Variants in CARS1 observed in about 807,000 individuals in gnomAD.
CARS1 encodes cysteine--tRNA ligase, cytoplasmic.
A neutral mutation model predicts 106.2 loss-of-function variants in CARS1; 48 were observed. That is an observed-to-expected ratio of 0.45 (90% CI 0.36 to 0.57). CARS1 has a LOEUF of 0.57. Ranked by LOEUF, CARS1 falls within the 20% of genes least tolerant of loss-of-function variation. The pLI is 0.00. For missense variants in CARS1, 968 were observed against 1,057.2 expected (o/e 0.92, Z 1.17); for synonymous variants, 409 against 403.4 (o/e 1.01, Z -0.17).
rs979122976 is a variant in CARS1 at position 3,015,860 on chromosome 11, A to C, written c.1918-11T>G. 2 of 1,612,838 alleles carry C rather than the reference A, an allele frequency of 1.2e-6. No individual in the cohort carries two copies. Among genetic ancestry groups the C allele is most frequent in the Non-Finnish European group, 1.7e-6 (2 of 1,178,884 alleles). On this transcript the variant is annotated splice_polypyrimidine_tract_variant and intron_variant, in intron 16 of 22. Coordinates refer to ENST00000380525, the MANE Select transcript of CARS1 (RefSeq NM_001014437.3). ...TACGGCCCCAAAGATCTAGGAAAAGAAACAGATGGGACCTGAAGCTGCGGC... is the reference window on the plus strand; with the variant it reads ...TACGGCCCCAAAGATCTAGGAAAAGCAACAGATGGGACCTGAAGCTGCGGC...
rs540320575 is a variant in CARS1 at position 3,037,999 on chromosome 11, G to A, written c.801+51C>T. The A allele has an allele frequency of 1.9e-5, 30 of 1,568,998 alleles. No individual in the cohort carries two copies. Among genetic ancestry groups the A allele is most frequent in the Admixed American group, 8.7e-5 (5 of 57,766 alleles). ...CGTGCACACAGATCAGTCTATGCAC[G>A]GCCCGACATTTGACCCGAACGGGCT... is the stretch of plus-strand genomic sequence containing the variant. On this transcript the variant is annotated intron_variant, in intron 7 of 22. Transcript: ENST00000380525. The surrounding 1 kb of genome is among the most constrained non-coding windows in gnomAD (Gnocchi z 5.9).
At chr11:3,013,008 G>A (rs1330829229) in intron 17 of CARS1, among the ~76,000 whole-genome samples, 1 of 148,356 alleles carries the variant, frequency 6.7e-6, no homozygotes, top group Non-Finnish European at 1.5e-5. Context: ...ACCTGCCTCA[G>A]CCTCCCGAGT....
Position 3,019,019 on chromosome 11 carries a change from C to T in CARS1, c.1395+120G>A. The stretch of plus-strand genomic sequence containing the variant: ...AGGGTTCAGATTCCACCCACAAGCC[C>T]CGATGAAGGTGTCAAGTTCTAGTGA... On this transcript the variant is annotated intron_variant, in intron 12 of 22. Transcript: ENST00000380525. This position sits in a 1 kb window ranked among gnomAD's most constrained non-coding sequence, Gnocchi z 6.2. 1 of 1,224,476 alleles carries T rather than the reference C, an allele frequency of 8.2e-7. No homozygotes were observed. The highest frequency in any genetic ancestry group is 1.1e-6 in the Non-Finnish European group (1 of 882,992). 75.9% of individuals were successfully genotyped at this position (1,224,476 alleles called of 1,614,324 possible).
Position 3,047,856 on chromosome 11 carries a change from C to T in CARS1, c.171G>A (p.Pro57=), listed in dbSNP as rs746336366. 12 of 1,614,064 alleles carry T rather than the reference C, an allele frequency of 7.4e-6. No individual in the cohort carries two copies. The highest frequency in any genetic ancestry group is 9.3e-6 in the Non-Finnish European group (11 of 1,180,032). ...DVDAFRQLSA[P]PADPQLFHVA... is the part of the protein sequence containing the mutation. Reference sequence around the variant, plus strand: ...CGTGGAAGAGCTGGGGGTCAGCGGGCGGGGCCGAGAGCTGCCTGAACGCGT... The same window carrying T: ...CGTGGAAGAGCTGGGGGTCAGCGGGTGGGGCCGAGAGCTGCCTGAACGCGT... Residue 57 remains proline (P), a synonymous_variant, in exon 2 of 23, where the codon CCG becomes CCA. Coordinates refer to ENST00000380525, the MANE Select transcript of CARS1 (RefSeq NM_001014437.3).
Position 3,050,004 on chromosome 11 carries a change from T to C in CARS1, c.26-2003A>G, listed in dbSNP as rs182868101. 1.4e-3 allele frequency among the ~76,000 whole-genome samples: 207 copies of C among 152,168 alleles called. 1 individual carries two copies. Among genetic ancestry groups the C allele is most frequent in the African/African-American group, 4.6e-3 (192 of 41,522 alleles). On this transcript the variant is annotated intron_variant, in intron 1 of 22. Transcript: ENST00000380525. The surrounding 1 kb of genome is among the most constrained non-coding windows in gnomAD (Gnocchi z 6.3). ...TCAGCAAAGATGAGTCAGAATGGAGTGCACAGCTGCAGCAGCAAGAATGCC... is the reference window on the plus strand; with the variant it reads ...TCAGCAAAGATGAGTCAGAATGGAGCGCACAGCTGCAGCAGCAAGAATGCC...
Position 3,048,126 on chromosome 11 carries a change from C to G in CARS1, c.26-125G>C. ...AGGTGTTCAAGCCCTTCCCTGGACG[C>G]CAAACATCCAGAACAGGCAAAGGCA... On this transcript the variant is annotated intron_variant, in intron 1 of 22. Transcript: ENST00000380525. This position sits in a 1 kb window ranked among gnomAD's most constrained non-coding sequence, Gnocchi z 5.1. 1 of 1,191,384 alleles carries G rather than the reference C, an allele frequency of 8.4e-7. No individual in the cohort carries two copies. Among genetic ancestry groups the G allele is most frequent in the Non-Finnish European group, 1.2e-6 (1 of 866,082 alleles). The allele number at this position is 1,191,384 out of a possible 1,614,324, so 73.8% of individuals were successfully genotyped here.
In CARS1 at chr11:3,019,300, G is replaced by C; in HGVS notation, c.1267-33C>G. 1 of 1,378,952 alleles carries C rather than the reference G, an allele frequency of 7.3e-7. No homozygotes were observed. The highest frequency in any genetic ancestry group is 9.5e-7 in the Non-Finnish European group (1 of 1,057,876). The allele number at this position is 1,378,952 out of a possible 1,614,324, so 85.4% of individuals were successfully genotyped here. A position where few individuals can be genotyped will look rare whatever the true frequency, so the allele number is the denominator to read the frequency against. On this transcript the variant is annotated intron_variant, in intron 11 of 22. Coordinates refer to ENST00000380525, the MANE Select transcript of CARS1 (RefSeq NM_001014437.3). This position sits in a 1 kb window ranked among gnomAD's most constrained non-coding sequence, Gnocchi z 6.2. ...AAGCCGAACACACAGTGACTGACCA[G>C]CCTACCCGCTTGTCCAGGCCTTTAT...
At position 3,001,170 on chromosome 11, in the gene CARS1, G is replaced by A. The variant is rs1457855865; in HGVS notation, c.2440C>T (p.Gln814Ter). 1.9e-6 allele frequency: 3 copies of A among 1,614,100 alleles called. No individual in the cohort carries two copies. The highest frequency in any genetic ancestry group is 2.5e-6 in the Non-Finnish European group (3 of 1,180,018). Residue 814 changes from glutamine (Q) to a stop codon, truncating the protein, a stop_gained, in exon 23 of 23, where the codon CAG (glutamine) becomes TAG (stop). Coordinates refer to ENST00000380525, the MANE Select transcript of CARS1 (RefSeq NM_001014437.3). LOFTEE classifies it high-confidence loss of function. ...AKKLKKLFEAQEKLYKEYLQM... is the reference protein window; with the variant it reads ...AKKLKKLFEA ...AGATATTCCTTGTAGAGCTTCTCCT[G>A]AGCCTCGAAGAGCTTCTTCAGCTTC...
At position 3,043,979 on chromosome 11, in the gene CARS1, T is replaced by G. The variant is rs922604437; in HGVS notation, c.275-1723A>C. Among the ~76,000 whole-genome samples the G allele has an allele frequency of 1.1e-4, 16 of 152,150 alleles. No individual in the cohort carries two copies. Among genetic ancestry groups the G allele is most frequent in the Admixed American group, 2.6e-4 (4 of 15,274 alleles). On this transcript the variant is annotated intron_variant, in intron 2 of 22. Transcript: ENST00000380525. This position sits in a 1 kb window ranked among gnomAD's most constrained non-coding sequence, Gnocchi z 4.0. ...TCTTAATCAAACATCATGTGCTTAT[T>G]GAGGCCAAGTGCAGCTCGGCCTCAG... is the stretch of plus-strand genomic sequence containing the variant.
At position 3,041,808 on chromosome 11, in the gene CARS1, AGTGCCACCTGCT is replaced by A. The variant is rs1167269690; in HGVS notation, c.366+345_366+356del. Among the ~76,000 whole-genome samples, 1 of 149,970 alleles carries A rather than the reference AGTGCCACCTGCT, an allele frequency of 6.7e-6. No homozygotes were observed. Among genetic ancestry groups the A allele is most frequent in the Non-Finnish European group, 1.5e-5 (1 of 68,030 alleles). On this transcript the variant is annotated intron_variant, in intron 3 of 22. Coordinates refer to ENST00000380525, the MANE Select transcript of CARS1 (RefSeq NM_001014437.3). This position sits in a 1 kb window ranked among gnomAD's most constrained non-coding sequence, Gnocchi z 4.9. Reference sequence around the variant, plus strand: ...TTTGTCCATCCTGCTTGGCTCATACAGTGCCACCTGCTGCAACCACGCGTCCTCCTGAAAGGC... The same window carrying A: ...TTTGTCCATCCTGCTTGGCTCATACAGCAACCACGCGTCCTCCTGAAAGGC...
intron 10 of CARS1, among the ~76,000 whole-genome samples, chr11:3,024,081 TGG>T (rs2134170640): frequency 6.6e-6 from 1 of 152,068 alleles, no homozygotes; most frequent in East Asian, 2.0e-4. Context: ...TTAGTAGAGA[TGG>T]GGTTTCACCA....
intron 1 of CARS1, among the ~76,000 whole-genome samples, chr11:3,051,297 G>A (rs565257631): frequency 1.2e-4 from 18 of 152,330 alleles, no homozygotes; most frequent in Admixed American, 3.9e-4. Flanking sequence ...CACTGAAGGC[G>A]CCTGGGGGGT....
rs1852523678 is a variant in CARS1 at position 3,029,806 on chromosome 11, C to T, written c.802-363G>A. ...TGGGCAGGAGCACACAGTGTGTCACCTACAGCACAACCCCTTGGTGCATTC... is the reference window on the plus strand; with the variant it reads ...TGGGCAGGAGCACACAGTGTGTCACTTACAGCACAACCCCTTGGTGCATTC... On this transcript the variant is annotated intron_variant, in intron 7 of 22. Coordinates refer to ENST00000380525, the MANE Select transcript of CARS1 (RefSeq NM_001014437.3). This position sits in a 1 kb window ranked among gnomAD's most constrained non-coding sequence, Gnocchi z 5.9. 3.9e-6 allele frequency: 1 copy of T among 255,658 alleles called. No homozygotes were observed. Among genetic ancestry groups the T allele is most frequent in the Non-Finnish European group, 7.5e-6 (1 of 133,428 alleles). 15.8% of individuals were successfully genotyped at this position (255,658 alleles called of 1,614,324 possible).
chr11:3,013,974 G>C (rs1413098079), intron 17 of CARS1, among the ~76,000 whole-genome samples: 3 of 152,166 alleles, frequency 2.0e-5, no homozygotes, highest in African/African-American at 7.2e-5. Flanking sequence ...CACAAATTTA[G>C]CAAGTGCAAA....
chr11:3,004,091 C>T lies in CARS1; in HGVS notation c.2217+1275G>A, dbSNP rs1849635850. On this transcript the variant is annotated intron_variant, in intron 20 of 22. Coordinates refer to ENST00000380525, the MANE Select transcript of CARS1 (RefSeq NM_001014437.3). The surrounding 1 kb of genome is among the most constrained non-coding windows in gnomAD (Gnocchi z 5.2). ...GCCAGCACCAGGCCACCTCACAGCA[C>T]AGCACGGCAGGCGAGACCCAAGGCT... Among the ~76,000 whole-genome samples, 1 of 152,194 alleles carries T rather than the reference C, an allele frequency of 6.6e-6. No homozygotes were observed. The highest frequency in any genetic ancestry group is 2.4e-5 in the African/African-American group (1 of 41,446).
rs1438919800 is a variant in CARS1, at chr11:3,046,637, G to A, written c.274+1116C>T. On this transcript the variant is annotated intron_variant, in intron 2 of 22. Coordinates refer to ENST00000380525, the MANE Select transcript of CARS1 (RefSeq NM_001014437.3). The surrounding 1 kb of genome is among the most constrained non-coding windows in gnomAD (Gnocchi z 5.8). The stretch of plus-strand genomic sequence containing the variant: ...GCCTGACCCACGGCAGAGGCGGGGG[G>A]GCATGTTCCCAATCCCAGGCCCCAA... Among the ~76,000 whole-genome samples the A allele has an allele frequency of 6.6e-6, 1 of 152,138 alleles. No individual in the cohort carries two copies. The highest frequency in any genetic ancestry group is 2.4e-5 in the African/African-American group (1 of 41,434).
rs1853301618 is a variant in CARS1, at chr11:3,034,326, T to C, written c.801+3724A>G. On this transcript the variant is annotated intron_variant, in intron 7 of 22. Transcript: ENST00000380525. The surrounding 1 kb of genome is among the most constrained non-coding windows in gnomAD (Gnocchi z 6.3). ...ACCTCCGCCTCCTGGTTTCAAGCTA[T>C]TCTCCTGCCTCAGCCTCCAGAGTAG... 6.6e-6 allele frequency among the ~76,000 whole-genome samples: 1 copy of C among 152,170 alleles called. No individual in the cohort carries two copies. The highest frequency in any genetic ancestry group is 1.5e-5 in the Non-Finnish European group (1 of 68,040).
In CARS1 at chr11:3,021,772, C is replaced by T. The variant is rs775500727; in HGVS notation, c.1154-1440G>A. On this transcript the variant is annotated intron_variant, in intron 10 of 22. Transcript: ENST00000380525. This position sits in a 1 kb window ranked among gnomAD's most constrained non-coding sequence, Gnocchi z 5.3. ...CAAAATCCAGATCTATCCACCAACA[C>T]GGAAGGCCGCTGTCCTGGCTTCCTT... Among the ~76,000 whole-genome samples, 14 of 152,234 alleles carry T rather than the reference C, an allele frequency of 9.2e-5. No individual in the cohort carries two copies. Among genetic ancestry groups the T allele is most frequent in the Admixed American group, 1.3e-4 (2 of 15,282 alleles).
At chr11:3,007,779 C>T (rs957975755) in intron 18 of CARS1, 6 of 152,248 alleles carry the variant, frequency 3.9e-5, no homozygotes, top group African/African-American at 1.4e-4. Context: ...TGCCCGGCAT[C>T]CCACGGTTCT....
Sources: allele counts gnomAD v4.1 joint callset (sites outside exome capture counted in the v4.1 genomes callset), GRCh38; gene constraint gnomAD v4.1.1; non-coding constraint Gnocchi (gnomAD v3.1); transcripts MANE v1.5; gene names NCBI Gene and HGNC (gene_info 2026-07-23, HGNC 2026-07-21).